ABCG2: variants seen among roughly 807,000 people sequenced by gnomAD.
ABCG2 encodes the protein broad substrate specificity ATP-binding cassette transporter ABCG2.
A neutral mutation model predicts 73.5 loss-of-function variants in ABCG2; 80 were observed. The observed-to-expected ratio is 1.09, with a 90% confidence interval of 0.91 to 1.31. The LOEUF (loss-of-function observed/expected upper bound fraction) is 1.31, where lower values mean the gene tolerates loss of function less well. Among genes scored for constraint, ABCG2 ranks in the 50% most tolerant of loss-of-function variants. The probability of loss-of-function intolerance (pLI) is 0.00; values close to 1 mark genes in which losing one functional copy is unlikely to be tolerated. For synonymous variants in ABCG2, 269 were observed against 282.4 expected, an observed-to-expected ratio of 0.95 and a Z score of 0.48; for missense variants, 796 against 786.2, an observed-to-expected ratio of 1.01 and a Z score of -0.15.
At chr4:88,181,499 G>A (rs7442224) in intron 1 of ABCG2, among the ~76,000 whole-genome samples, 127,493 of 151,612 alleles carry the variant, frequency 0.84, 53,781 homozygotes, top group East Asian at 1. Context: ...GGGAGGCTGA[G>A]GCAGAAGGAT....
At chr4:88,124,794 G>A (rs1724269489) in intron 5 of ABCG2, among the ~76,000 whole-genome samples, 1 of 152,048 alleles carries the variant, frequency 6.6e-6, no homozygotes, top group South Asian at 2.1e-4. Flanking sequence ...ACTCAGCTCT[G>A]GACCAAGTGA....
intron 1 of ABCG2, among the ~76,000 whole-genome samples, chr4:88,183,568 TAATAAA>T (rs772253980): frequency 3.1e-4 from 47 of 152,184 alleles, no homozygotes; most frequent in Non-Finnish European, 5.9e-4. Context: ...ATTGAAGCCA[TAATAAA>T]AAGTCTCCTA....
chr4:88,191,214 GTGCT>G (rs1560747430), intron 1 of ABCG2, among the ~76,000 whole-genome samples: 7 of 139,866 alleles, frequency 5.0e-5, no homozygotes, highest in Non-Finnish European at 1.1e-4. Flanking sequence ...ACTGCGTGCA[GTGCT>G]CCAAGATCGC....
chr4:88,133,515 A>G (rs4148155), intron 2 of ABCG2, among the ~76,000 whole-genome samples: 13,829 of 152,306 alleles, frequency 0.091, 949 homozygotes, highest in East Asian at 0.31. Context: ...CTTTAAGAAT[A>G]TGAAGACGTG....
chr4:88,181,581 A>G (rs1578260719), intron 1 of ABCG2, among the ~76,000 whole-genome samples: 1 of 152,082 alleles, frequency 6.6e-6, no homozygotes, highest in East Asian at 1.9e-4. Flanking sequence ...AAATAAAAGA[A>G]ATAGCCTGGC....
intron 2 of ABCG2, among the ~76,000 whole-genome samples, chr4:88,133,807 G>A (rs550486254): frequency 3.9e-5 from 6 of 152,196 alleles, no homozygotes; most frequent in African/African-American, 1.4e-4. Context: ...AGACCAGCCT[G>A]GCCAACATGG....
chr4:88,172,836 GTA>G (rs1727809541), intron 1 of ABCG2, among the ~76,000 whole-genome samples: 1 of 152,058 alleles, frequency 6.6e-6, no homozygotes, highest in African/African-American at 2.4e-5. Flanking sequence ...GCTCCAGACA[GTA>G]TGCATGAAGA....
intron 1 of ABCG2, among the ~76,000 whole-genome samples, chr4:88,184,281 C>T (rs1728365307): frequency 6.6e-6 from 1 of 152,066 alleles, no homozygotes; most frequent in African/African-American, 2.4e-5. Flanking sequence ...TCTTTGTTGG[C>T]AGATGATATG....
At chr4:88,204,444 A>C (rs1729302356) in intron 1 of ABCG2, among the ~76,000 whole-genome samples, 1 of 152,126 alleles carries the variant, frequency 6.6e-6, no homozygotes, top group Non-Finnish European at 1.5e-5. Context: ...ACAAACAAAC[A>C]AAAGAATTCA....
At chr4:88,140,648 C>T (rs1725571185) in intron 1 of ABCG2, among the ~76,000 whole-genome samples, 1 of 151,958 alleles carries the variant, frequency 6.6e-6, no homozygotes, top group Non-Finnish European at 1.5e-5. Flanking sequence ...AAAAGAAACT[C>T]TATTTTTTTT....
intron 1 of ABCG2, among the ~76,000 whole-genome samples, chr4:88,195,276 G>A (rs1419380176): frequency 6.6e-6 from 1 of 152,098 alleles, no homozygotes. Context: ...ATGGAAAACT[G>A]ATCACAGTCA....
intron 1 of ABCG2, among the ~76,000 whole-genome samples, chr4:88,168,213 G>A (rs1230031897): frequency 2.6e-5 from 4 of 152,136 alleles, no homozygotes; most frequent in Non-Finnish European, 4.4e-5. Flanking sequence ...TTAGGGCCAG[G>A]TGCAGTGGTT....
At chr4:88,177,776 G>T (rs1728070119) in intron 1 of ABCG2, among the ~76,000 whole-genome samples, 1 of 152,140 alleles carries the variant, frequency 6.6e-6, no homozygotes, top group Admixed American at 6.5e-5. Flanking sequence ...GGGAGGGAGA[G>T]CACAGCGATT....
intron 9 of ABCG2, among the ~76,000 whole-genome samples, chr4:88,108,293 G>A (rs1722894345): frequency 6.6e-6 from 1 of 152,040 alleles, no homozygotes; most frequent in African/African-American, 2.4e-5. Context: ...GAGGCCGAGG[G>A]GGCAGATTGC....
intron 1 of ABCG2, among the ~76,000 whole-genome samples, chr4:88,148,117 C>T (rs1178908510): frequency 6.6e-6 from 1 of 152,130 alleles, no homozygotes; most frequent in Admixed American, 6.5e-5. Context: ...TCTTGAACAG[C>T]ACAGGTTTGA....
intron 1 of ABCG2, among the ~76,000 whole-genome samples, chr4:88,157,737 T>C (rs1253903411): frequency 6.6e-6 from 1 of 152,184 alleles, no homozygotes; most frequent in East Asian, 1.9e-4. Flanking sequence ...TTGTAAAGAA[T>C]ATCAATAAAA....
intron 1 of ABCG2, among the ~76,000 whole-genome samples, chr4:88,227,958 A>T (rs1730292124): frequency 6.6e-6 from 1 of 152,136 alleles, no homozygotes; most frequent in South Asian, 2.1e-4. Flanking sequence ...CCCACAGACC[A>T]GCTGTGTGCC....
chr4:88,210,394 A>C (rs746785624), intron 1 of ABCG2, among the ~76,000 whole-genome samples: 4 of 152,092 alleles, frequency 2.6e-5, no homozygotes, highest in Non-Finnish European at 5.9e-5. Context: ...AGAGTAAAAT[A>C]AATTGTAAAA....
intron 2 of ABCG2, among the ~76,000 whole-genome samples, chr4:88,134,179 C>T (rs1725090289): frequency 6.6e-6 from 1 of 152,104 alleles, no homozygotes; most frequent in Non-Finnish European, 1.5e-5. Context: ...ATTTCATTCT[C>T]AAATAATGAT....
Sources: allele counts gnomAD v4.1 joint callset (sites outside exome capture counted in the v4.1 genomes callset), GRCh38; gene constraint gnomAD v4.1.1; transcripts MANE v1.5; gene names NCBI Gene and HGNC (gene_info 2026-07-23, HGNC 2026-07-21).